The following TMEM106B variants were observed in gnomAD, a reference collection of about 807,000 sequenced individuals.
TMEM106B encodes the protein transmembrane protein 106B.
TMEM106B carries 15 observed loss-of-function variants against 31.1 expected under a neutral mutation model. That is an observed-to-expected ratio of 0.48 (90% CI 0.32 to 0.74). The LOEUF is 0.74. Among genes scored for constraint, TMEM106B ranks in the 30% least tolerant of loss-of-function variants. The probability of loss-of-function intolerance (pLI) is 0.03; values close to 1 mark genes in which losing one functional copy is unlikely to be tolerated. For synonymous variants in TMEM106B, 126 were observed against 112.5 expected, an observed-to-expected ratio of 1.12 and a Z score of -0.76; for missense variants, 283 against 327.3, an observed-to-expected ratio of 0.86 and a Z score of 1.04.
rs1562710152 is a variant in TMEM106B at position 12,232,158 on chromosome 7, A to G, written c.*183A>G. 1 of 456,884 alleles carries G rather than the reference A, an allele frequency of 2.2e-6. No individual in the cohort carries two copies. The highest frequency in any genetic ancestry group is 5.3e-5 in the South Asian group (1 of 18,954). The allele number at this position is 456,884 out of a possible 1,614,324, so 28.3% of individuals were successfully genotyped here. On this transcript the variant is annotated 3_prime_UTR_variant, in exon 8 of 8. Coordinates refer to ENST00000396668, the MANE Select transcript of TMEM106B (RefSeq NM_001134232.2). ...ACTCTCCACTCTGTGTTAATGATAT[A>G]TTTGTACTAGGATCTTTTACTTGAA...
rs1781727748 is a variant in TMEM106B, at chr7:12,218,349, AG to A, written c.218-108del. 2.0e-5 allele frequency: 15 copies of A among 768,058 alleles called. No individual in the cohort carries two copies. The South Asian group carries it at 3.0e-4, about 16-fold the overall frequency. The allele number at this position is 768,058 out of a possible 1,614,324, so 47.6% of individuals were successfully genotyped here. ...GACTTAGCAATTTACTAAAGGAAAGAGATGAGTGCCAGATGATATTCTGGTC... is the reference window on the plus strand; with the variant it reads ...GACTTAGCAATTTACTAAAGGAAAGAATGAGTGCCAGATGATATTCTGGTC... On this transcript the variant is annotated intron_variant, in intron 2 of 7. Coordinates refer to ENST00000396668, the MANE Select transcript of TMEM106B (RefSeq NM_001134232.2).
intron 4 of TMEM106B, among the ~76,000 whole-genome samples, chr7:12,225,356 TG>T (rs1781879753): frequency 6.6e-6 from 1 of 152,254 alleles, no homozygotes; most frequent in African/African-American, 2.4e-5. Context: ...TATAGCAGCA[TG>T]ATTTATAATC....
In TMEM106B at chr7:12,232,625, C is replaced by T. The variant is rs1353965256; in HGVS notation, c.*650C>T. 1.3e-5 allele frequency: 2 copies of T among 152,326 alleles called. No homozygotes were observed. Among genetic ancestry groups the T allele is most frequent in the East Asian group, 3.8e-4 (2 of 5,196 alleles). The allele number at this position is 152,326 out of a possible 1,614,324, so 9.4% of individuals were successfully genotyped here. On this transcript the variant is annotated 3_prime_UTR_variant, in exon 8 of 8. Transcript: ENST00000396668. ...AAATTTTGAAAGCCCCTAATGTTTT[C>T]ACACATCTTTCTGTATTAGTTATAG...
intron 2 of TMEM106B, 71 bp downstream of exon 2, chr7:12,215,098 G>T: frequency 7.4e-7 from 1 of 1,357,368 alleles, no homozygotes; most frequent in Non-Finnish European, 1.0e-6. Context: ...AAAACTGTGG[G>T]TCTCAGGAAC....
intron 3 of TMEM106B, 52 bp downstream of exon 3, chr7:12,218,573 G>A: frequency 6.7e-7 from 1 of 1,487,638 alleles, no homozygotes; most frequent in Non-Finnish European, 9.1e-7. Flanking sequence ...TTTGTTTTTT[G>A]TATTTTTTCA....
chr7:12,218,545 A>C, intron 3 of TMEM106B, 24 bp downstream of exon 3: 1 of 1,586,138 alleles, frequency 6.3e-7, no homozygotes, highest in East Asian at 2.3e-5. Flanking sequence ...AGAATATGGC[A>C]GTGTTTTATG....
At chr7:12,228,995 A>G (rs1369924874) in intron 4 of TMEM106B, among the ~76,000 whole-genome samples, 1 of 151,956 alleles carries the variant, frequency 6.6e-6, no homozygotes, top group East Asian at 1.9e-4. Context: ...GGCTCTTTGC[A>G]TGTTATAGAT....
chr7:12,228,161 CT>C (rs2128526900), intron 4 of TMEM106B, among the ~76,000 whole-genome samples: 1 of 151,922 alleles, frequency 6.6e-6, no homozygotes, highest in Non-Finnish European at 1.5e-5. Context: ...TTTGAAATTT[CT>C]TTACATTTGT....
At chr7:12,226,946 T>C (rs1468166415) in intron 4 of TMEM106B, among the ~76,000 whole-genome samples, 1 of 152,126 alleles carries the variant, frequency 6.6e-6, no homozygotes, top group African/African-American at 2.4e-5. Flanking sequence ...CCAGACTTTT[T>C]TTGGCCTACC....
chr7:12,226,354 G>C (rs28739415), intron 4 of TMEM106B, among the ~76,000 whole-genome samples: 2 of 152,110 alleles, frequency 1.3e-5, no homozygotes, highest in Non-Finnish European at 2.9e-5. Flanking sequence ...CATTGTTTTT[G>C]AAAGGACCGT....
At chr7:12,214,600 A>G (rs952179563) in intron 1 of TMEM106B, among the ~76,000 whole-genome samples, 28 of 152,136 alleles carry the variant, frequency 1.8e-4, no homozygotes, top group African/African-American at 6.0e-4. Context: ...CTGTAACCCA[A>G]CTACCTTGAG....
At chr7:12,221,250 G>C (rs1157708181) in intron 3 of TMEM106B, among the ~76,000 whole-genome samples, 1 of 152,158 alleles carries the variant, frequency 6.6e-6, no homozygotes, top group Non-Finnish European at 1.5e-5. Flanking sequence ...ATTATTTTAA[G>C]TGACTTGAAA....
In TMEM106B at chr7:12,238,695, G is replaced by A. The variant is rs942007656; in HGVS notation, c.*6720G>A. On this transcript the variant is annotated 3_prime_UTR_variant, in exon 8 of 8. Coordinates refer to ENST00000396668, the MANE Select transcript of TMEM106B (RefSeq NM_001134232.2). ...GCATGAAAACAACATTAATCTATTT[G>A]TACATCATCAGAGCTGTTGGGTGAC... 6.6e-6 allele frequency: 1 copy of A among 152,068 alleles called. No homozygotes were observed. The highest frequency in any genetic ancestry group is 2.4e-5 in the African/African-American group (1 of 41,412). The allele number at this position is 152,068 out of a possible 1,614,324, so 9.4% of individuals were successfully genotyped here.
At chr7:12,218,566 G>T in intron 3 of TMEM106B, 45 bp downstream of exon 3, 1 of 1,526,916 alleles carries the variant, frequency 6.5e-7, no homozygotes, top group Non-Finnish European at 8.9e-7. Flanking sequence ...TTTTATTTTT[G>T]TTTTTTGTAT....
intron 7 of TMEM106B, 163 bp downstream of exon 7, chr7:12,231,278 A>G: frequency 1.8e-6 from 1 of 540,628 alleles, no homozygotes; most frequent in South Asian, 2.5e-5. Flanking sequence ...AAATTACGAA[A>G]TGGTTGTTCA....
chr7:12,239,805 A>T lies in TMEM106B; in HGVS notation c.*7830A>T, dbSNP rs1258776230. 3 of 152,160 alleles carry T rather than the reference A, an allele frequency of 2.0e-5. No homozygotes were observed. Among genetic ancestry groups the T allele is most frequent in the Non-Finnish European group, 4.4e-5 (3 of 68,006 alleles). The allele number at this position is 152,160 out of a possible 1,614,324, so 9.4% of individuals were successfully genotyped here. On this transcript the variant is annotated 3_prime_UTR_variant, in exon 8 of 8. Coordinates refer to ENST00000396668, the MANE Select transcript of TMEM106B (RefSeq NM_001134232.2). ...TCATGCTGCCTCCAAATACTTACAA[A>T]AACATCAAAGATCACTGATTACAGA... is the stretch of plus-strand genomic sequence containing the variant.
chr7:12,231,159 T>G (rs1216153940), intron 7 of TMEM106B, 44 bp downstream of exon 7: 1 of 1,454,080 alleles, frequency 6.9e-7, no homozygotes, highest in Non-Finnish European at 9.5e-7. Context: ...TTGTTAACAT[T>G]TTGGATTTAT....
rs1240802205 is a variant in TMEM106B, at chr7:12,214,947, C to T, written c.137C>T (p.Ser46Phe). Residue 46 changes from serine (S) to phenylalanine (F), a missense_variant, in exon 2 of 8, where the codon TCT (serine) becomes TTT (phenylalanine). By Grantham distance (155) the Ser-to-Phe change is radical (BLOSUM62 -2). Around this residue, in one of 3 missense-constraint regions of TMEM106B, gnomAD observed 77 missense variants for 89.4 expected, o/e 0.86. Coordinates refer to ENST00000396668, the MANE Select transcript of TMEM106B (RefSeq NM_001134232.2). Reference sequence around the variant, plus strand: ...GAAGATGGAAGAAATGGAGATGTCTCTCAGTTTCCATATGTGGAATTTACA... The same window carrying T: ...GAAGATGGAAGAAATGGAGATGTCTTTCAGTTTCCATATGTGGAATTTACA... ...HNEDGRNGDV[S>F]QFPYVEFTGR... 6.2e-7 allele frequency: 1 copy of T among 1,614,078 alleles called. No individual in the cohort carries two copies. Among genetic ancestry groups the T allele is most frequent in the Non-Finnish European group, 8.5e-7 (1 of 1,179,964 alleles).
chr7:12,236,085 C>A lies in TMEM106B; in HGVS notation c.*4110C>A, dbSNP rs558376632. The A allele has an allele frequency of 1.3e-5, 2 of 151,852 alleles. No individual in the cohort carries two copies. Among genetic ancestry groups the A allele is most frequent in the African/African-American group, 4.8e-5 (2 of 41,402 alleles). The allele number at this position is 151,852 out of a possible 1,614,324, so 9.4% of individuals were successfully genotyped here. ...TTAAAAAATTATTTTTACATTACAA[C>A]AATATATTTATGATGTGTTCAGATC... On this transcript the variant is annotated 3_prime_UTR_variant, in exon 8 of 8. Coordinates refer to ENST00000396668, the MANE Select transcript of TMEM106B (RefSeq NM_001134232.2).
Sources: allele counts gnomAD v4.1 joint callset (sites outside exome capture counted in the v4.1 genomes callset), GRCh38; gene constraint gnomAD v4.1.1; regional missense constraint gnomAD v4.1.1; transcripts MANE v1.5; gene names NCBI Gene and HGNC (gene_info 2026-07-23, HGNC 2026-07-21).